Variants in MAML2 observed in about 807,000 individuals in gnomAD.
The protein encoded by MAML2 is mastermind-like protein 2.
MAML2 carries 22 observed loss-of-function variants against 96.1 expected under a neutral mutation model. The ratio of observed to expected loss-of-function variants is 0.23; its 90% CI spans 0.16 to 0.33. The LOEUF is 0.33. Ranked by LOEUF, MAML2 falls within the 10% of genes least tolerant of loss-of-function variation. MAML2 has a pLI of 1.00. For missense variants in MAML2, 1,367 were observed against 1,392.4 expected (o/e 0.98, Z 0.29); for synonymous variants, 561 against 521.3 (o/e 1.08, Z -1.04).
At chr11:96,061,167 C>T (rs1045207806) in intron 2 of MAML2, among the ~76,000 whole-genome samples, 2 of 152,150 alleles carry the variant, frequency 1.3e-5, no homozygotes, top group Non-Finnish European at 2.9e-5. Context: ...TGCAGGTTGT[C>T]GAATTCCCAA....
intron 1 of MAML2, among the ~76,000 whole-genome samples, chr11:96,182,776 T>C (rs1861505934): frequency 6.6e-6 from 1 of 152,116 alleles, no homozygotes; most frequent in African/African-American, 2.4e-5. Flanking sequence ...AATTGTTCTT[T>C]TCATTTCAAC....
chr11:96,191,770 C>CAAA (rs11396681), intron 1 of MAML2, among the ~76,000 whole-genome samples: 20,479 of 116,132 alleles, frequency 0.18, 1,775 homozygotes, highest in Middle Eastern at 0.24. Flanking sequence ...AACTCTGTCT[C>CAAA]AAAAAAAAAA....
intron 2 of MAML2, among the ~76,000 whole-genome samples, chr11:96,051,384 T>C (rs536454456): frequency 6.6e-6 from 1 of 152,222 alleles, no homozygotes; most frequent in African/African-American, 2.4e-5. Flanking sequence ...ACATTTAATC[T>C]TTAGTTTGAC....
chr11:96,295,707 C>T (rs1863286178), intron 1 of MAML2, among the ~76,000 whole-genome samples: 1 of 151,000 alleles, frequency 6.6e-6, no homozygotes, highest in Admixed American at 6.6e-5. Flanking sequence ...CACACACACA[C>T]ACACTTGCAT....
At chr11:96,169,376 AC>A (rs1453657297) in intron 1 of MAML2, among the ~76,000 whole-genome samples, 2 of 152,162 alleles carry the variant, frequency 1.3e-5, no homozygotes, top group Non-Finnish European at 2.9e-5. Context: ...CCTGCAGCAA[AC>A]CTGTTCCATC....
chr11:96,041,348 A>G (rs973804474), intron 2 of MAML2, among the ~76,000 whole-genome samples: 3 of 151,392 alleles, frequency 2.0e-5, no homozygotes, highest in Admixed American at 1.3e-4. Context: ...AAAAAAAAAA[A>G]AATTTAGCCG....
intron 2 of MAML2, among the ~76,000 whole-genome samples, chr11:96,041,558 GA>G (rs1425171348): frequency 4.6e-5 from 7 of 151,610 alleles, no homozygotes; most frequent in Non-Finnish European, 7.4e-5. Flanking sequence ...AAGAAAGAAA[GA>G]AAAAAGAAGG....
intron 2 of MAML2, among the ~76,000 whole-genome samples, chr11:96,075,664 G>A (rs572655850): frequency 2.6e-5 from 4 of 152,280 alleles, no homozygotes; most frequent in South Asian, 2.1e-4. Context: ...AGGGGAAGTC[G>A]GGTGGGGGTG....
At chr11:96,227,307 C>G (rs1402250981) in intron 1 of MAML2, among the ~76,000 whole-genome samples, 1 of 152,160 alleles carries the variant, frequency 6.6e-6, no homozygotes, top group Non-Finnish European at 1.5e-5. Flanking sequence ...TACGCATAAT[C>G]CTGTAGTGAT....
chr11:96,061,164 T>C (rs1236851492), intron 2 of MAML2, among the ~76,000 whole-genome samples: 1 of 152,266 alleles, frequency 6.6e-6, no homozygotes, highest in Non-Finnish European at 1.5e-5. Flanking sequence ...CTCTGCAGGT[T>C]GTCGAATTCC....
intron 2 of MAML2, among the ~76,000 whole-genome samples, chr11:96,003,620 G>T (rs566884911): frequency 2.0e-5 from 3 of 152,222 alleles, no homozygotes; most frequent in East Asian, 3.9e-4. Context: ...TCCAACTTTG[G>T]TTTTTTCTAA....
chr11:96,278,837 G>A (rs1437953115), intron 1 of MAML2, among the ~76,000 whole-genome samples: 2 of 152,172 alleles, frequency 1.3e-5, no homozygotes, highest in Non-Finnish European at 2.9e-5. Flanking sequence ...ACTGGCAGCT[G>A]CATTTTGGAA....
chr11:96,290,675 A>C (rs1863196395), intron 1 of MAML2, among the ~76,000 whole-genome samples: 1 of 152,188 alleles, frequency 6.6e-6, no homozygotes, highest in African/African-American at 2.4e-5. Flanking sequence ...TTGAAGTACC[A>C]ATTTTTCTTA....
chr11:96,253,752 A>T (rs749637690), intron 1 of MAML2, among the ~76,000 whole-genome samples: 3 of 152,230 alleles, frequency 2.0e-5, no homozygotes, highest in Non-Finnish European at 4.4e-5. Context: ...GATTTAGGGT[A>T]TAATTCTCAG....
rs778254356 is a variant in MAML2 at position 96,093,086 on chromosome 11, G to A, written c.945C>T (p.Asn315=). 2.5e-6 allele frequency: 4 copies of A among 1,614,016 alleles called. No individual in the cohort carries two copies. The South Asian group carries it at 3.3e-5, about 13-fold the overall frequency. The change falls in exon 2 of 5, where the codon AAC becomes AAT. Residue 315 remains asparagine, a synonymous_variant. Transcript: ENST00000524717. ...ELQELFNELT[N]ISVPPMSDLE... ...GGTCACTCATGGGAGGCACAGATAT[G>A]TTGGTCAGTTCATTGAACAGTTCCT...
intron 2 of MAML2, among the ~76,000 whole-genome samples, chr11:96,038,643 T>G (rs1858757246): frequency 6.6e-6 from 1 of 152,188 alleles, no homozygotes. Context: ...GGAATGCTCC[T>G]CCTCATGGTC....
At chr11:96,341,360 C>T in intron 1 of MAML2, 23 bp downstream of exon 1, 1 of 1,499,124 alleles carries the variant, frequency 6.7e-7, no homozygotes, top group Non-Finnish European at 8.9e-7. Context: ...ACAGCCAGAA[C>T]CATGAGAAAG....
At chr11:96,173,599 T>C (rs1861335176) in intron 1 of MAML2, among the ~76,000 whole-genome samples, 1 of 152,064 alleles carries the variant, frequency 6.6e-6, no homozygotes, top group African/African-American at 2.4e-5. Context: ...AGGGGCAGAA[T>C]AACTCGTAAG....
chr11:96,091,489 G>A (rs952520415), intron 2 of MAML2, among the ~76,000 whole-genome samples: 1 of 98,738 alleles, frequency 1.0e-5, no homozygotes, highest in Non-Finnish European at 2.2e-5. Flanking sequence ...CCCACCTCCA[G>A]CTTTATTCAA....
Sources: allele counts gnomAD v4.1 joint callset (sites outside exome capture counted in the v4.1 genomes callset), GRCh38; gene constraint gnomAD v4.1.1; transcripts MANE v1.5; gene names NCBI Gene and HGNC (gene_info 2026-07-23, HGNC 2026-07-21).